The following IGSF21 variants were observed in gnomAD, a reference collection of about 807,000 sequenced individuals.
The protein encoded by IGSF21 is immunoglobin superfamily member 21.
Under a neutral mutation model 46.8 loss-of-function variants are expected in IGSF21, and 28 were observed. The observed-to-expected ratio is 0.60, with a 90% CI of 0.44 to 0.82. IGSF21 has a LOEUF of 0.82. IGSF21 is among the 40% of genes least tolerant of loss of function. The probability of loss-of-function intolerance (pLI) is 0.00; values close to 1 mark genes in which losing one functional copy is unlikely to be tolerated. For synonymous variants in IGSF21, 284 were observed against 273.6 expected (o/e 1.04, Z -0.38); for missense variants, 624 against 665.5 (o/e 0.94, Z 0.69).
rs549256740 is a variant in IGSF21 at position 18,377,851 on chromosome 1, G to A, written c.1334-405G>A. ...AGACCACTCCGTAGGGTGGTTGGGA[G>A]CATCAACGGATGTCTCAGTGCAGGC... On this transcript the variant is annotated intron_variant, in intron 9 of 9. Transcript: ENST00000251296. Among the ~76,000 whole-genome samples, 16 of 152,300 alleles carry A rather than the reference G, an allele frequency of 1.1e-4. No individual in the cohort carries two copies. In the East Asian group the frequency reaches 1.2e-3, roughly 11 times the overall value.
At chr1:18,163,888 G>A (rs78710036) in intron 1 of IGSF21, among the ~76,000 whole-genome samples, 1,932 of 152,252 alleles carry the variant, frequency 0.013, 43 homozygotes, top group African/African-American at 0.044. Flanking sequence ...TAACAATAAC[G>A]GGTGTTTTCC....
intron 3 of IGSF21, among the ~76,000 whole-genome samples, chr1:18,303,609 T>G (rs1403598756): frequency 6.6e-6 from 1 of 152,222 alleles, no homozygotes; most frequent in African/African-American, 2.4e-5. Flanking sequence ...TGAATGCACT[T>G]TGGCATGTTT....
intron 2 of IGSF21, among the ~76,000 whole-genome samples, chr1:18,283,427 A>G (rs2085181953): frequency 6.6e-6 from 1 of 152,060 alleles, no homozygotes. Flanking sequence ...GGGAGGACAG[A>G]GCCTGCCCTA....
chr1:18,186,658 T>C (rs2086905639), intron 1 of IGSF21, among the ~76,000 whole-genome samples: 2 of 152,206 alleles, frequency 1.3e-5, no homozygotes, highest in African/African-American at 4.8e-5. Flanking sequence ...CGTCCCCCAA[T>C]TCTTTGTTGG....
rs1427654289 is a variant in IGSF21 at position 18,377,399 on chromosome 1, C to T, written c.1301C>T (p.Pro434Leu). Residue 434 changes from proline to leucine, a missense_variant, in exon 9 of 10, where the codon CCA (proline) becomes CTA (leucine). Transcript: ENST00000251296. ...TTCTGTTTCTTTCCAACAGAAAACCCAAATATCCCAAGAGGAACGGAGGAC... is the reference window on the plus strand; with the variant it reads ...TTCTGTTTCTTTCCAACAGAAAACCTAAATATCCCAAGAGGAACGGAGGAC... ...THTRLIVFEN[P>L]NIPRGTEDSN... 3.1e-6 allele frequency: 5 copies of T among 1,613,618 alleles called. No homozygotes were observed. Among genetic ancestry groups the T allele is most frequent in the Non-Finnish European group, 4.2e-6 (5 of 1,179,516 alleles).
intron 1 of IGSF21, among the ~76,000 whole-genome samples, chr1:18,145,594 C>CATCAACAAGG (rs1425728599): frequency 1.3e-5 from 2 of 152,098 alleles, no homozygotes; most frequent in Non-Finnish European, 2.9e-5. Flanking sequence ...ACGAAGCACA[C>CATCAACAAGG]ACATCCTCTT....
intron 1 of IGSF21, chr1:18,114,255 T>C (rs1269374997): frequency 6.6e-6 from 1 of 152,136 alleles, no homozygotes; most frequent in East Asian, 1.9e-4. Flanking sequence ...TGGAGGCCAA[T>C]CTTATAGTGA....
chr1:18,253,155 G>T (rs182617024), intron 2 of IGSF21, among the ~76,000 whole-genome samples: 3 of 152,120 alleles, frequency 2.0e-5, no homozygotes, highest in Admixed American at 2.0e-4. Context: ...AGCAGGCTGC[G>T]TTTCCCAGCA....
chr1:18,218,806 T>C (rs971191533), intron 1 of IGSF21, among the ~76,000 whole-genome samples: 3 of 152,186 alleles, frequency 2.0e-5, no homozygotes, highest in African/African-American at 7.2e-5. Flanking sequence ...TTGAGGCAGC[T>C]ATGAAAATGC....
At chr1:18,132,099 A>G (rs1378384399) in intron 1 of IGSF21, among the ~76,000 whole-genome samples, 2 of 152,202 alleles carry the variant, frequency 1.3e-5, no homozygotes, top group Non-Finnish European at 2.9e-5. Context: ...ATCCTGGCTT[A>G]TTAATTTCTG....
chr1:18,190,608 A>C (rs940961188), intron 1 of IGSF21, among the ~76,000 whole-genome samples: 1 of 152,194 alleles, frequency 6.6e-6, no homozygotes, highest in African/African-American at 2.4e-5. Flanking sequence ...TCTGCTGGGC[A>C]GTGCTGGGGA....
intron 1 of IGSF21, among the ~76,000 whole-genome samples, chr1:18,177,376 G>A (rs2086810118): frequency 6.6e-6 from 1 of 151,082 alleles, no homozygotes; most frequent in African/African-American, 2.4e-5. Context: ...GTCGTGTGTG[G>A]GGATGGGGTC....
chr1:18,248,321 C>G (rs541485979), intron 2 of IGSF21, among the ~76,000 whole-genome samples: 1 of 152,352 alleles, frequency 6.6e-6, no homozygotes, highest in South Asian at 2.1e-4. Context: ...ATTAACCCCT[C>G]TGTACATCTC....
At chr1:18,156,289 T>G (rs1239329888) in intron 1 of IGSF21, among the ~76,000 whole-genome samples, 2 of 152,132 alleles carry the variant, frequency 1.3e-5, no homozygotes, top group Admixed American at 6.5e-5. Context: ...GACCGGGCAC[T>G]CCTCACTGGC....
intron 1 of IGSF21, among the ~76,000 whole-genome samples, chr1:18,227,506 G>C (rs1341304): frequency 0.24 from 36,816 of 151,612 alleles, 4,538 homozygotes; most frequent in East Asian, 0.33. Flanking sequence ...ACTCTAAAAA[G>C]GGGTGGAGGG....
chr1:18,180,272 G>A (rs2086843676), intron 1 of IGSF21, among the ~76,000 whole-genome samples: 1 of 152,176 alleles, frequency 6.6e-6, no homozygotes, highest in African/African-American at 2.4e-5. Context: ...TTAGCATCTA[G>A]AATAGTGCCT....
At chr1:18,261,693 C>T (rs1476623484) in intron 2 of IGSF21, among the ~76,000 whole-genome samples, 2 of 152,322 alleles carry the variant, frequency 1.3e-5, no homozygotes, top group African/African-American at 4.8e-5. Context: ...GGACCTGGTA[C>T]CTCTCAGAAC....
chr1:18,223,800 A>G (rs1005213663), intron 1 of IGSF21, among the ~76,000 whole-genome samples: 1 of 152,144 alleles, frequency 6.6e-6, no homozygotes, highest in Non-Finnish European at 1.5e-5. Flanking sequence ...TGGGAAAACT[A>G]AGTGACACAT....
At chr1:18,232,614 A>G (rs1181836055) in intron 2 of IGSF21, among the ~76,000 whole-genome samples, 2 of 152,152 alleles carry the variant, frequency 1.3e-5, no homozygotes, top group African/African-American at 4.8e-5. Context: ...CTGTAGGCAC[A>G]CCCTCCTCCA....
Sources: gnomAD v4.1 joint callset for allele counts (sites outside exome capture counted in the v4.1 genomes callset) on GRCh38, gnomAD v4.1.1 for gene constraint, MANE v1.5 for transcripts, NCBI Gene and HGNC (gene_info 2026-07-23, HGNC 2026-07-21) for gene names.